The following PDGFD variants were observed in gnomAD, a reference collection of about 807,000 sequenced individuals.
PDGFD encodes the protein platelet derived growth factor D, also known as platelet-derived growth factor D.
PDGFD carries 30 observed loss-of-function variants against 44.7 expected under a neutral mutation model. The ratio of observed to expected loss-of-function variants is 0.67; its 90% confidence interval spans 0.50 to 0.91. PDGFD has a LOEUF of 0.91. PDGFD is among the 40% of genes least tolerant of loss of function. PDGFD has a pLI of 0.00. For synonymous variants in PDGFD, 173 were observed against 168.4 expected, an observed-to-expected ratio of 1.03 and a Z score of -0.21; for missense variants, 445 against 457.8, an observed-to-expected ratio of 0.97 and a Z score of 0.25.
At position 104,097,730 on chromosome 11, in the gene PDGFD, T is replaced by C. The variant is rs1861306957; in HGVS notation, c.124+66074A>G. Among the ~76,000 whole-genome samples, 3 of 152,214 alleles carry C rather than the reference T, an allele frequency of 2.0e-5. No individual in the cohort carries two copies. In the South Asian group the frequency reaches 6.2e-4, roughly 31 times the overall value. ...ACCAACTCTATGAAGAAGATGCAGC[T>C]GTTATCCTCCTTTTACATATGAAGA... On this transcript the variant is annotated intron_variant, in intron 1 of 6. Transcript: ENST00000393158.
intron 1 of PDGFD, among the ~76,000 whole-genome samples, chr11:104,161,224 A>C (rs1862383016): frequency 6.6e-6 from 1 of 152,220 alleles, no homozygotes; most frequent in Non-Finnish European, 1.5e-5. Context: ...TAAAGACCCT[A>C]AATTAATGTT....
At chr11:103,940,512 AC>A (rs1357398908) in intron 5 of PDGFD, among the ~76,000 whole-genome samples, 1 of 152,130 alleles carries the variant, frequency 6.6e-6, no homozygotes, top group East Asian at 1.9e-4. Context: ...TTTATTTGAC[AC>A]CTAATGGACT....
intron 1 of PDGFD, among the ~76,000 whole-genome samples, chr11:104,104,384 C>G (rs1861441603): frequency 6.6e-6 from 1 of 151,460 alleles, no homozygotes; most frequent in Non-Finnish European, 1.5e-5. Flanking sequence ...TAGACCTTCA[C>G]TTTCACTTAC....
intron 1 of PDGFD, among the ~76,000 whole-genome samples, chr11:104,144,187 GAA>G (rs1862127274): frequency 6.6e-6 from 1 of 152,218 alleles, no homozygotes; most frequent in African/African-American, 2.4e-5. Flanking sequence ...AAAAACCTCA[GAA>G]TCTCAATTCT....
At chr11:103,973,903 G>T (rs1859141388) in intron 3 of PDGFD, among the ~76,000 whole-genome samples, 1 of 152,122 alleles carries the variant, frequency 6.6e-6, no homozygotes, top group Non-Finnish European at 1.5e-5. Flanking sequence ...CTAGTTTTGG[G>T]GTTTTATCAT....
intron 3 of PDGFD, among the ~76,000 whole-genome samples, chr11:103,954,085 C>A (rs1421365055): frequency 2.0e-5 from 3 of 152,172 alleles, no homozygotes; most frequent in African/African-American, 7.2e-5. Flanking sequence ...CAACAACAAT[C>A]CTTGCTATTA....
At chr11:104,157,356 G>A (rs1008114964) in intron 1 of PDGFD, among the ~76,000 whole-genome samples, 1 of 152,076 alleles carries the variant, frequency 6.6e-6, no homozygotes, top group Non-Finnish European at 1.5e-5. Context: ...TCGGCCTTGC[G>A]GACTATTCAG....
chr11:104,098,707 G>T (rs1055503784), intron 1 of PDGFD, among the ~76,000 whole-genome samples: 1 of 151,874 alleles, frequency 6.6e-6, no homozygotes, highest in African/African-American at 2.4e-5. Context: ...GTAGGGATGG[G>T]GTCTAGCTAT....
chr11:104,091,142 T>C (rs916996540), intron 1 of PDGFD, among the ~76,000 whole-genome samples: 1 of 152,192 alleles, frequency 6.6e-6, no homozygotes, highest in Non-Finnish European at 1.5e-5. Context: ...TCTGACAGTA[T>C]TTGGCTAAAA....
At chr11:103,987,423 CTGTTTA>C (rs1859384121) in intron 3 of PDGFD, among the ~76,000 whole-genome samples, 1 of 152,138 alleles carries the variant, frequency 6.6e-6, no homozygotes, top group South Asian at 2.1e-4. Flanking sequence ...CTAATTGTGA[CTGTTTA>C]TGACCATTTG....
intron 1 of PDGFD, among the ~76,000 whole-genome samples, chr11:104,013,374 C>T (rs1351866553): frequency 6.6e-6 from 1 of 152,160 alleles, no homozygotes; most frequent in East Asian, 1.9e-4. Flanking sequence ...AGCTGGTTAA[C>T]GCTTAGCCAT....
At chr11:104,144,871 T>C (rs1862141103) in intron 1 of PDGFD, among the ~76,000 whole-genome samples, 1 of 152,156 alleles carries the variant, frequency 6.6e-6, no homozygotes, top group South Asian at 2.1e-4. Context: ...TAAGAAGCCT[T>C]CCAGAGCTAA....
At chr11:103,948,562 A>G (rs538045610) in intron 3 of PDGFD, among the ~76,000 whole-genome samples, 1 of 152,366 alleles carries the variant, frequency 6.6e-6, no homozygotes, top group South Asian at 2.1e-4. Flanking sequence ...CAATCCACAG[A>G]TGGCTTTCTG....
chr11:104,006,277 A>G (rs1859700261), intron 1 of PDGFD, among the ~76,000 whole-genome samples: 1 of 152,216 alleles, frequency 6.6e-6, no homozygotes, highest in Non-Finnish European at 1.5e-5. Flanking sequence ...ATACATATTA[A>G]TAAGTCTCCA....
At chr11:104,023,645 C>CT (rs1292331150) in intron 1 of PDGFD, among the ~76,000 whole-genome samples, 1 of 152,098 alleles carries the variant, frequency 6.6e-6, no homozygotes, top group Non-Finnish European at 1.5e-5. Context: ...TGTCACATAA[C>CT]TTTTTCATGA....
chr11:104,089,455 TG>T (rs1185511990), intron 1 of PDGFD, among the ~76,000 whole-genome samples: 5 of 152,292 alleles, frequency 3.3e-5, no homozygotes, highest in Admixed American at 6.5e-5. Flanking sequence ...ATTACACTGT[TG>T]TTTTTTTTCA....
intron 1 of PDGFD, among the ~76,000 whole-genome samples, chr11:104,130,301 G>A (rs1043000158): frequency 7.2e-5 from 11 of 152,150 alleles, no homozygotes; most frequent in African/African-American, 2.2e-4. Context: ...GAGATGAGGC[G>A]TTCAGGAGGC....
intron 1 of PDGFD, among the ~76,000 whole-genome samples, chr11:104,094,212 T>C (rs1861251077): frequency 6.6e-6 from 1 of 151,994 alleles, no homozygotes; most frequent in African/African-American, 2.4e-5. Context: ...TCAGCACATC[T>C]TCTTGATTTT....
At chr11:104,162,522 C>T (rs1032809450) in intron 1 of PDGFD, among the ~76,000 whole-genome samples, 2 of 151,998 alleles carry the variant, frequency 1.3e-5, no homozygotes, top group African/African-American at 4.8e-5. Flanking sequence ...CAAAAATGCA[C>T]GGCTGGAATC....
Sources: gnomAD v4.1 joint callset for allele counts (sites outside exome capture counted in the v4.1 genomes callset) on GRCh38, gnomAD v4.1.1 for gene constraint, MANE v1.5 for transcripts, NCBI Gene and HGNC (gene_info 2026-07-23, HGNC 2026-07-21) for gene names.